Variants in ZHX2 observed in about 807,000 individuals in gnomAD.
The protein encoded by ZHX2 is zinc fingers and homeoboxes 2.
In ZHX2, 6 loss-of-function variants were observed where a neutral mutation model predicts 21.9. The observed-to-expected ratio is 0.27, with a 90% confidence interval of 0.15 to 0.54. The LOEUF is 0.54. Ranked by LOEUF, ZHX2 falls within the 20% of genes least tolerant of loss-of-function variation. The pLI is 0.95. For synonymous variants in ZHX2, 434 were observed against 437.1 expected (o/e 0.99, Z 0.09); for missense variants, 908 against 1,090.7 (o/e 0.83, Z 2.36).
chr8:122,793,451 G>C (rs1299965466), intron 1 of ZHX2, among the ~76,000 whole-genome samples: 1 of 152,198 alleles, frequency 6.6e-6, no homozygotes, highest in African/African-American at 2.4e-5. Context: ...GCCTGGCTCT[G>C]TTATCTCCAA....
At chr8:122,853,563 C>T (rs1284684312) in intron 1 of ZHX2, among the ~76,000 whole-genome samples, 1 of 152,186 alleles carries the variant, frequency 6.6e-6, no homozygotes, top group African/African-American at 2.4e-5. Flanking sequence ...CTCGAGTTGG[C>T]TCCACCTTCC....
intron 1 of ZHX2, among the ~76,000 whole-genome samples, chr8:122,834,167 A>AAAT (rs1416907015): frequency 1.3e-5 from 2 of 152,194 alleles, no homozygotes; most frequent in African/African-American, 2.4e-5. Flanking sequence ...ATTAATTCAA[A>AAAT]AATAACATAC....
intron 1 of ZHX2, chr8:122,816,585 A>T (rs962888467): frequency 6.6e-6 from 1 of 150,794 alleles, no homozygotes; most frequent in Admixed American, 6.7e-5. Context: ...GTCCATCTTT[A>T]TACTGATACA....
chr8:122,804,037 C>G (rs1227369771), intron 1 of ZHX2, among the ~76,000 whole-genome samples: 4 of 152,166 alleles, frequency 2.6e-5, no homozygotes, highest in Non-Finnish European at 1.5e-5. Flanking sequence ...ACAAATACTG[C>G]AGAAAACCCA....
intron 2 of ZHX2, among the ~76,000 whole-genome samples, chr8:122,913,847 A>G (rs560770287): frequency 6.6e-6 from 1 of 152,316 alleles, no homozygotes; most frequent in Admixed American, 6.5e-5. Context: ...GACACCATCA[A>G]TTGTTGATAG....
rs529484163 is a variant in ZHX2 at position 122,853,096 on chromosome 8, C to G, written c.-282-10381C>G. The stretch of plus-strand genomic sequence containing the variant: ...TACCTCTTCCTGCCTCCCACAAGTG[C>G]TTCCTGGGTCCTATCCCAGGGTTTT... On this transcript the variant is annotated intron_variant, in intron 1 of 3. Coordinates refer to ENST00000314393, the MANE Select transcript of ZHX2 (RefSeq NM_014943.5). 2.6e-5 allele frequency among the ~76,000 whole-genome samples: 4 copies of G among 152,302 alleles called. No homozygotes were observed. The East Asian group carries it at 5.8e-4, about 22-fold the overall frequency.
At chr8:122,839,746 C>G (rs969899728) in intron 1 of ZHX2, among the ~76,000 whole-genome samples, 1 of 152,070 alleles carries the variant, frequency 6.6e-6, no homozygotes, top group African/African-American at 2.4e-5. Context: ...GTTTTTGCTT[C>G]GGGCTGCAAT....
intron 2 of ZHX2, among the ~76,000 whole-genome samples, chr8:122,904,800 A>G (rs776319552): frequency 1.1e-4 from 17 of 152,264 alleles, no homozygotes; most frequent in Non-Finnish European, 2.4e-4. Flanking sequence ...AGATCTCAAA[A>G]TGAACGATTA....
chr8:122,899,808 T>G lies in ZHX2; in HGVS notation c.-220+36269T>G, dbSNP rs144729166. Among the ~76,000 whole-genome samples the G allele has an allele frequency of 2.6e-5, 4 of 152,340 alleles. No individual in the cohort carries two copies. In the East Asian group the frequency reaches 7.7e-4, roughly 29 times the overall value. On this transcript the variant is annotated intron_variant, in intron 2 of 3. Transcript: ENST00000314393. ...TGAGGTGGAAATTATGCAGGCAGTTTAATGCAAATTGGAGGGAAAAGCCAA... is the reference window on the plus strand; with the variant it reads ...TGAGGTGGAAATTATGCAGGCAGTTGAATGCAAATTGGAGGGAAAAGCCAA...
chr8:122,851,804 A>G (rs1360251962), intron 1 of ZHX2, among the ~76,000 whole-genome samples: 1 of 152,220 alleles, frequency 6.6e-6, no homozygotes, highest in East Asian at 1.9e-4. Context: ...CAACTAAGTC[A>G]GTGTTAGCAG....
intron 1 of ZHX2, among the ~76,000 whole-genome samples, chr8:122,861,955 G>T (rs886370929): frequency 5.9e-5 from 9 of 152,186 alleles, no homozygotes; most frequent in East Asian, 3.8e-4. Flanking sequence ...GGACAAAAGC[G>T]CTCAACTTAC....
At chr8:122,968,947 C>G (rs1006212313) in intron 3 of ZHX2, among the ~76,000 whole-genome samples, 1 of 151,672 alleles carries the variant, frequency 6.6e-6, no homozygotes, top group East Asian at 1.9e-4. Flanking sequence ...TCACTTGAGG[C>G]CAAGAGTTCG....
chr8:122,935,687 C>T (rs146088283), intron 2 of ZHX2, among the ~76,000 whole-genome samples: 6 of 152,192 alleles, frequency 3.9e-5, no homozygotes, highest in Admixed American at 3.9e-4. Context: ...AGGCACCCAC[C>T]ACCATGCCCA....
At chr8:122,915,963 C>G (rs570620324) in intron 2 of ZHX2, among the ~76,000 whole-genome samples, 64 of 152,212 alleles carry the variant, frequency 4.2e-4, no homozygotes, top group African/African-American at 1.2e-3. Context: ...TCTTCCTCCC[C>G]CTTCCTGCAG....
chr8:122,960,924 C>A (rs968738253), intron 3 of ZHX2, among the ~76,000 whole-genome samples: 2 of 152,214 alleles, frequency 1.3e-5, no homozygotes, highest in East Asian at 3.8e-4. Context: ...CCTGGGCATT[C>A]AGACCCATCT....
At chr8:122,866,989 ATTT>A (rs11339473) in intron 2 of ZHX2, among the ~76,000 whole-genome samples, 3,912 of 143,510 alleles carry the variant, frequency 0.027, 177 homozygotes, top group African/African-American at 0.093. Flanking sequence ...CATGCCAGCT[ATTT>A]TTTTTTTTTT....
At chr8:122,876,232 C>G (rs944586329) in intron 2 of ZHX2, among the ~76,000 whole-genome samples, 13 of 152,078 alleles carry the variant, frequency 8.5e-5, no homozygotes, top group African/African-American at 2.9e-4. Context: ...GGGCAAACCC[C>G]AAGTGCCTGG....
intron 3 of ZHX2, among the ~76,000 whole-genome samples, chr8:122,968,657 G>C (rs1016771967): frequency 2.6e-5 from 4 of 151,360 alleles, no homozygotes; most frequent in African/African-American, 9.7e-5. Flanking sequence ...TGGCCAACAT[G>C]GTGAAACCTC....
chr8:122,957,823 ATT>A (rs1389967450), intron 3 of ZHX2, among the ~76,000 whole-genome samples: 1 of 152,158 alleles, frequency 6.6e-6, no homozygotes, highest in Non-Finnish European at 1.5e-5. Context: ...TAGGGGTGGC[ATT>A]GAAAGTTCTC....
Sources: gnomAD v4.1 joint callset for allele counts (sites outside exome capture counted in the v4.1 genomes callset) on GRCh38, gnomAD v4.1.1 for gene constraint, MANE v1.5 for transcripts, NCBI Gene and HGNC (gene_info 2026-07-23, HGNC 2026-07-21) for gene names.